Variants in ZFX observed in about 807,000 individuals in gnomAD.
ZFX encodes zinc finger X-chromosomal protein.
For synonymous variants in ZFX, 196 were observed against 226.8 expected, an observed-to-expected ratio of 0.86 and a Z score of 1.22; for missense variants, 362 against 628.3, an observed-to-expected ratio of 0.58 and a Z score of 4.53.
intron 5 of ZFX, among the ~76,000 whole-genome samples, chrX:24,206,687 G>A (rs951042911): frequency 1.8e-5 from 2 of 109,200 alleles, no homozygotes; most frequent in African/African-American, 3.3e-5. Flanking sequence ...GCACCTGGCT[G>A]GTTCTTTTAA....
chrX:24,203,153 G>C (rs1035049643), intron 5 of ZFX, among the ~76,000 whole-genome samples: 1 of 111,522 alleles, frequency 9.0e-6, no homozygotes, highest in Non-Finnish European at 1.9e-5. Flanking sequence ...GTTATCCTTG[G>C]CTTCTTCGTC....
chrX:24,190,478 A>G (rs1936457346), intron 5 of ZFX, among the ~76,000 whole-genome samples: 1 of 112,149 alleles, frequency 8.9e-6, no homozygotes, highest in African/African-American at 3.2e-5. Context: ...AAAGCACTCA[A>G]ATAAGGCAAA....
chrX:24,195,454 G>T (rs1423836528), intron 5 of ZFX, among the ~76,000 whole-genome samples: 1 of 110,076 alleles, frequency 9.1e-6, no homozygotes, highest in Non-Finnish European at 1.9e-5. Flanking sequence ...CCGGGTTCAC[G>T]CCATTCTCCT....
At chrX:24,186,138 C>T (rs1601903289) in intron 5 of ZFX, among the ~76,000 whole-genome samples, 1 of 104,021 alleles carries the variant, frequency 9.6e-6, no homozygotes, top group Non-Finnish European at 2.0e-5. Context: ...ATTTCTGAAT[C>T]TTATATTTAT....
chrX:24,154,816 C>T (rs1237066060), intron 3 of ZFX, among the ~76,000 whole-genome samples: 5 of 111,185 alleles, frequency 4.5e-5, no homozygotes, highest in Non-Finnish European at 7.5e-5. Context: ...TAAAAAAGAA[C>T]GAGGTCGTGT....
chrX:24,160,052 A>T (rs777242794), intron 3 of ZFX, among the ~76,000 whole-genome samples: 12 of 110,218 alleles, frequency 1.1e-4, no homozygotes, highest in Non-Finnish European at 2.1e-4. Flanking sequence ...TTTTTTTCTG[A>T]TCAGTATTGC....
chrX:24,178,056 C>T (rs1252572063), intron 4 of ZFX, among the ~76,000 whole-genome samples: 1 of 107,085 alleles, frequency 9.3e-6, no homozygotes, highest in African/African-American at 3.4e-5. Flanking sequence ...CTCAGCCTCC[C>T]GAGTAGCTGG....
At chrX:24,181,910 G>A (rs1392350836) in intron 5 of ZFX, among the ~76,000 whole-genome samples, 1 of 111,785 alleles carries the variant, frequency 8.9e-6, no homozygotes, top group Non-Finnish European at 1.9e-5. Flanking sequence ...AGAGATTAGT[G>A]GCAGTGAACT....
At chrX:24,156,686 G>T (rs1218551437) in intron 3 of ZFX, among the ~76,000 whole-genome samples, 7 of 83,412 alleles carry the variant, frequency 8.4e-5, no homozygotes, top group East Asian at 3.7e-4. Context: ...ACGGAGTTTT[G>T]CTCTGTCGCC....
intron 5 of ZFX, among the ~76,000 whole-genome samples, chrX:24,184,431 C>T (rs1217285755): frequency 1.8e-5 from 2 of 111,148 alleles, no homozygotes; most frequent in African/African-American, 3.3e-5. Context: ...CCTTTAACTG[C>T]GCACTATCTC....
chrX:24,180,980 G>A (rs1156481017), intron 5 of ZFX, among the ~76,000 whole-genome samples: 1 of 112,087 alleles, frequency 8.9e-6, no homozygotes, highest in East Asian at 2.8e-4. Context: ...GCTAGGCCAC[G>A]GTTCTGACCC....
intron 6 of ZFX, 60 bp from the exon 7 acceptor site, chrX:24,207,652 A>G (rs761129907): frequency 1.0e-5 from 12 of 1,164,830 alleles, no homozygotes; most frequent in Non-Finnish European, 1.4e-5. Flanking sequence ...GTAAAAAGAA[A>G]TAGGTGGAAA....
At chrX:24,164,940 GA>G (rs747389861) in intron 3 of ZFX, among the ~76,000 whole-genome samples, 1,227 of 81,721 alleles carry the variant, frequency 0.015, 13 homozygotes, top group African/African-American at 0.042. Flanking sequence ...AACTCCGTCT[GA>G]AAAAAAAAAA....
chrX:24,167,500 C>CA (rs1934115920), intron 3 of ZFX, among the ~76,000 whole-genome samples: 1 of 111,707 alleles, frequency 9.0e-6, no homozygotes, highest in South Asian at 3.7e-4. Context: ...AATAATGAAA[C>CA]ACCAGAGGAG....
intron 3 of ZFX, among the ~76,000 whole-genome samples, chrX:24,160,927 A>AT (rs1933236281): frequency 9.0e-6 from 1 of 111,424 alleles, no homozygotes; most frequent in Non-Finnish European, 1.9e-5. Flanking sequence ...TGTGATCTCC[A>AT]TAATTTTCCT....
At position 24,159,270 on chromosome X, in the gene ZFX, G is replaced by A. The variant is rs746560994; in HGVS notation, c.-29+6440G>A. ...CTCCAAAAGAGCTGGGATTATAGGC[G>A]TGAGCTACAGCGTGGGTCCTACATT... On this transcript the variant is annotated intron_variant, in intron 3 of 9. Transcript: ENST00000304543. Among the ~76,000 whole-genome samples, 4 of 112,257 alleles carry A rather than the reference G, an allele frequency of 3.6e-5. No homozygotes were observed. In the South Asian group the frequency reaches 1.1e-3, roughly 31 times the overall value.
At chrX:24,203,047 A>C (rs10521673) in intron 5 of ZFX, among the ~76,000 whole-genome samples, 4,267 of 111,544 alleles carry the variant, frequency 0.038, 192 homozygotes, top group African/African-American at 0.13. Context: ...TATTCTTAGG[A>C]CCTTAAGTTA....
chrX:24,174,684 C>T (rs1472388114), intron 4 of ZFX, among the ~76,000 whole-genome samples: 1 of 109,886 alleles, frequency 9.1e-6, no homozygotes, highest in Non-Finnish European at 1.9e-5. Flanking sequence ...TGAGCCACCG[C>T]ACCTGGCCCT....
intron 3 of ZFX, among the ~76,000 whole-genome samples, chrX:24,159,631 G>A (rs1283663474): frequency 9.1e-6 from 1 of 109,400 alleles, no homozygotes; most frequent in African/African-American, 3.3e-5. Context: ...CCGCCACCAT[G>A]CCTGGCTAAT....
Sources: gnomAD v4.1 joint callset for allele counts (sites outside exome capture counted in the v4.1 genomes callset) on GRCh38, gnomAD v4.1.1 for gene constraint, MANE v1.5 for transcripts, NCBI Gene and HGNC (gene_info 2026-07-23, HGNC 2026-07-21) for gene names.